The following PHACTR2 variants were observed in gnomAD, a reference collection of about 807,000 sequenced individuals.
PHACTR2 encodes phosphatase and actin regulator 2.
In PHACTR2, 30 loss-of-function variants were observed where a neutral mutation model predicts 76.0. The ratio of observed to expected loss-of-function variants is 0.39; its 90% CI spans 0.30 to 0.54. PHACTR2 has a LOEUF of 0.54. Ranked by LOEUF, PHACTR2 falls within the 20% of genes least tolerant of loss-of-function variation. PHACTR2 has a pLI of 0.61. For synonymous variants in PHACTR2, 292 were observed against 292.5 expected (o/e 1.00, Z 0.02); for missense variants, 696 against 781.1 (o/e 0.89, Z 1.30).
In PHACTR2 at chr6:143,809,001, C is replaced by T. The variant is rs1053439298; in HGVS notation, c.1922+1868C>T. Among the ~76,000 whole-genome samples the T allele has an allele frequency of 3.3e-5, 5 of 152,162 alleles. No individual in the cohort carries two copies. Among genetic ancestry groups the T allele is most frequent in the East Asian group, 1.9e-4 (1 of 5,192 alleles). ...GTGACATCATGCTGGCTGGGGCCTC[C>T]GGGCAACTGGGAAGATAGAGTGCTT... On this transcript the variant is annotated intron_variant, in intron 12 of 12. Transcript: ENST00000440869. This position sits in a 1 kb window ranked among gnomAD's most constrained non-coding sequence, Gnocchi z 4.2.
chr6:143,680,075 A>G lies in PHACTR2; in HGVS notation c.46+1866A>G, dbSNP rs910252057. ...TGTAAAAGAACAGTTTTCTCGTGGT[A>G]TCCAGTGTCTCTAAATCCGTTAGAG... On this transcript the variant is annotated intron_variant, in intron 1 of 12. Transcript: ENST00000440869. The surrounding 1 kb of genome is among the most constrained non-coding windows in gnomAD (Gnocchi z 4.5). Among the ~76,000 whole-genome samples, 2 of 152,060 alleles carry G rather than the reference A, an allele frequency of 1.3e-5. No homozygotes were observed. Among genetic ancestry groups the G allele is most frequent in the Non-Finnish European group, 2.9e-5 (2 of 67,990 alleles).
rs1952715526 is a variant in PHACTR2, at chr6:143,767,240, C to T, written c.1232+1442C>T. On this transcript the variant is annotated intron_variant, in intron 6 of 12. Transcript: ENST00000440869. This position sits in a 1 kb window ranked among gnomAD's most constrained non-coding sequence, Gnocchi z 4.4. The stretch of plus-strand genomic sequence containing the variant: ...GCACTGAGAGAGCTAAAATAGTTTG[C>T]ACCAGACTGCCCAGTTGGTGGTGGT... 6.6e-6 allele frequency among the ~76,000 whole-genome samples: 1 copy of T among 152,160 alleles called. No individual in the cohort carries two copies. Among genetic ancestry groups the T allele is most frequent in the African/African-American group, 2.4e-5 (1 of 41,434 alleles).
At chr6:143,717,552 T>C (rs1437774130) in intron 2 of PHACTR2, among the ~76,000 whole-genome samples, 1 of 151,878 alleles carries the variant, frequency 6.6e-6, no homozygotes, top group Non-Finnish European at 1.5e-5. Context: ...AAAAATGCAG[T>C]ACTGGGTGCT....
At position 143,816,798 on chromosome 6, in the gene PHACTR2, G is replaced by A. The variant is rs1776305219; in HGVS notation, c.1923-6876G>A. ...TTATCTCTTCTGGCTGGGTGCGGTG[G>A]CTCATGCCTGTAATCCCAGCACTTT... On this transcript the variant is annotated intron_variant, in intron 12 of 12. Coordinates refer to ENST00000440869, the MANE Select transcript of PHACTR2 (RefSeq NM_001100164.2). This position sits in a 1 kb window ranked among gnomAD's most constrained non-coding sequence, Gnocchi z 4.5. 6.6e-6 allele frequency among the ~76,000 whole-genome samples: 1 copy of A among 152,172 alleles called. No individual in the cohort carries two copies. The highest frequency in any genetic ancestry group is 1.5e-5 in the Non-Finnish European group (1 of 68,038).
At chr6:143,593,330 CACAG>C (rs1198190184) in intron 1 of PHACTR2, among the ~76,000 whole-genome samples, 1 of 50,286 alleles carries the variant, frequency 2.0e-5, no homozygotes, top group Non-Finnish European at 4.8e-5. Context: ...AAGGAGGAAA[CACAG>C]GGGGTGTCTA....
At position 143,809,583 on chromosome 6, in the gene PHACTR2, T is replaced by C. The variant is rs142301808; in HGVS notation, c.1922+2450T>C. On this transcript the variant is annotated intron_variant, in intron 12 of 12. Coordinates refer to ENST00000440869, the MANE Select transcript of PHACTR2 (RefSeq NM_001100164.2). This position sits in a 1 kb window ranked among gnomAD's most constrained non-coding sequence, Gnocchi z 4.2. ...TAAGCATTCAAGCAATACAAAATTCTATTAAGTATAAATGAAAAACCTTCA... is the reference window on the plus strand; with the variant it reads ...TAAGCATTCAAGCAATACAAAATTCCATTAAGTATAAATGAAAAACCTTCA... 0.018 allele frequency among the ~76,000 whole-genome samples: 2,781 copies of C among 152,262 alleles called. 57 individuals carry two copies. The highest frequency in any genetic ancestry group is 0.022 in the Non-Finnish European group (1,471 of 68,008).
rs141391228 is a variant in PHACTR2 at position 143,638,395 on chromosome 6, A to T, written c.13+30073A>T. Among the ~76,000 whole-genome samples the T allele has an allele frequency of 6.4e-4, 98 of 152,162 alleles. 2 individuals carry two copies. The East Asian group carries it at 0.017, about 26-fold the overall frequency. Reference sequence around the variant, plus strand: ...TCTATACAAAAATAATAATTAAAAGATTAGCTGGGCATGGTGGTGCATGCC... The same window carrying T: ...TCTATACAAAAATAATAATTAAAAGTTTAGCTGGGCATGGTGGTGCATGCC... On this transcript the variant is annotated intron_variant, in intron 1 of 11. Coordinates refer to the PHACTR2 transcript ENST00000305766.
upstream of PHACTR2, among the ~76,000 whole-genome samples, chr6:143,603,852 A>G (rs969142457): frequency 2.6e-5 from 4 of 152,188 alleles, no homozygotes; most frequent in African/African-American, 9.7e-5. Flanking sequence ...TAATCCCAGC[A>G]CTTTGAGAGA....
chr6:143,714,339 G>A (rs564783561), intron 2 of PHACTR2, among the ~76,000 whole-genome samples: 40 of 152,290 alleles, frequency 2.6e-4, no homozygotes, highest in South Asian at 8.3e-4. Context: ...GTGTTCTGCC[G>A]CACAGCGATA....
In PHACTR2 at chr6:143,602,695, G is replaced by A. The variant is rs916771540; in HGVS notation, c.217+65488G>A. On this transcript the variant is annotated intron_variant, in intron 1 of 11. Transcript: ENST00000367584. This position sits in a 1 kb window ranked among gnomAD's most constrained non-coding sequence, Gnocchi z 6.1. ...ATTGCTATGTGTTTGGAGCAGTGGGGTGTTGTCCAAGTGTGGATTCACCAA... is the reference window on the plus strand; with the variant it reads ...ATTGCTATGTGTTTGGAGCAGTGGGATGTTGTCCAAGTGTGGATTCACCAA... Among the ~76,000 whole-genome samples the A allele has an allele frequency of 1.3e-5, 2 of 152,196 alleles. No individual in the cohort carries two copies. The highest frequency in any genetic ancestry group is 4.8e-5 in the African/African-American group (2 of 41,438).
chr6:143,676,450 A>G (rs539460602), upstream of PHACTR2, among the ~76,000 whole-genome samples: 53 of 152,350 alleles, frequency 3.5e-4, no homozygotes, highest in African/African-American at 1.2e-3. This position sits in a 1 kb window ranked among gnomAD's most constrained non-coding sequence, Gnocchi z 4.8. Context: ...AAGGTACTGT[A>G]TATTTCCTCT....
In PHACTR2 at chr6:143,767,949, T is replaced by C. The variant is rs574307641; in HGVS notation, c.1232+2151T>C. On this transcript the variant is annotated intron_variant, in intron 6 of 12. Coordinates refer to ENST00000440869, the MANE Select transcript of PHACTR2 (RefSeq NM_001100164.2). The surrounding 1 kb of genome is among the most constrained non-coding windows in gnomAD (Gnocchi z 4.4). ...GCCTCCCAGGTTCAAGCAATTCTCCTGCCTCAGCCTCCCCAGTAACTGGAA... is the reference window on the plus strand; with the variant it reads ...GCCTCCCAGGTTCAAGCAATTCTCCCGCCTCAGCCTCCCCAGTAACTGGAA... 3.9e-5 allele frequency among the ~76,000 whole-genome samples: 6 copies of C among 152,290 alleles called. No homozygotes were observed. Among genetic ancestry groups the C allele is most frequent in the African/African-American group, 1.4e-4 (6 of 41,568 alleles).
At chr6:143,600,955 C>T (rs536600659) in intron 1 of PHACTR2, among the ~76,000 whole-genome samples, 5 of 152,216 alleles carry the variant, frequency 3.3e-5, no homozygotes, top group Non-Finnish European at 7.3e-5. Flanking sequence ...GACACATGAA[C>T]ATGCTACAAT....
At position 143,592,925 on chromosome 6, in the gene PHACTR2, C is replaced by T. The variant is rs1356712401; in HGVS notation, c.217+55718C>T. Among the ~76,000 whole-genome samples the T allele has an allele frequency of 4.0e-5, 6 of 151,676 alleles. No homozygotes were observed. Among genetic ancestry groups the T allele is most frequent in the African/African-American group, 1.5e-4 (6 of 41,236 alleles). On this transcript the variant is annotated intron_variant, in intron 1 of 11. Coordinates refer to the PHACTR2 transcript ENST00000367584. The surrounding 1 kb of genome is among the most constrained non-coding windows in gnomAD (Gnocchi z 4.0). ...TAGCCGGACATGGTGACACACATCC[C>T]AGCTACTTGTGAGGGTGAGGTGGGA...
In PHACTR2 at chr6:143,547,811, G is replaced by T. The variant is rs373361768; in HGVS notation, c.217+10604G>T. ...GATACATTGGTTGTGATCAAGGAGG[G>T]CACTCTCTTTTTGTTTCCAGGGATT... On this transcript the variant is annotated intron_variant, in intron 1 of 11. Coordinates refer to the PHACTR2 transcript ENST00000367584. This position sits in a 1 kb window ranked among gnomAD's most constrained non-coding sequence, Gnocchi z 4.2. Among the ~76,000 whole-genome samples, 6 of 152,136 alleles carry T rather than the reference G, an allele frequency of 3.9e-5. No individual in the cohort carries two copies. The highest frequency in any genetic ancestry group is 5.9e-5 in the Non-Finnish European group (4 of 68,012).
chr6:143,599,694 A>G lies in PHACTR2; in HGVS notation c.217+62487A>G, dbSNP rs1775793930. Among the ~76,000 whole-genome samples, 1 of 152,216 alleles carries G rather than the reference A, an allele frequency of 6.6e-6. No individual in the cohort carries two copies. Among genetic ancestry groups the G allele is most frequent in the East Asian group, 1.9e-4 (1 of 5,200 alleles). ...CAAAGGGTGCTTCCCTTGCTAGCCT[A>G]TAAGAACAGCTCATTAAGATCCAAC... On this transcript the variant is annotated intron_variant, in intron 1 of 11. Transcript: ENST00000367584. This position sits in a 1 kb window ranked among gnomAD's most constrained non-coding sequence, Gnocchi z 4.6.
intron 2 of PHACTR2, among the ~76,000 whole-genome samples, chr6:143,735,610 C>A (rs867460700): frequency 6.6e-6 from 1 of 151,144 alleles, no homozygotes; most frequent in African/African-American, 2.4e-5. Flanking sequence ...CCACCACTTA[C>A]CCTCTGTAAT....
chr6:143,831,103 T>C lies in PHACTR2; in HGVS notation c.*7414T>C, dbSNP rs1776659944. On this transcript the variant is annotated 3_prime_UTR_variant, in exon 13 of 13. Transcript: ENST00000440869. This position sits in a 1 kb window ranked among gnomAD's most constrained non-coding sequence, Gnocchi z 5.2. Reference sequence around the variant, plus strand: ...TGTCTGAGGTATTTGATATTGATGTTTTTATTGCCATTATTATATGTAAAC... The same window carrying C: ...TGTCTGAGGTATTTGATATTGATGTCTTTATTGCCATTATTATATGTAAAC... 6.6e-6 allele frequency: 1 copy of C among 152,234 alleles called. No individual in the cohort carries two copies. Among genetic ancestry groups the C allele is most frequent in the South Asian group, 2.1e-4 (1 of 4,836 alleles). 9.4% of individuals were successfully genotyped at this position (152,234 alleles called of 1,614,324 possible).
chr6:143,790,867 T>C (rs571899491), intron 11 of PHACTR2, among the ~76,000 whole-genome samples: 71 of 152,234 alleles, frequency 4.7e-4, no homozygotes, highest in Admixed American at 7.8e-4. Context: ...TTAGTAGAGA[T>C]GGGGTTTCAC....
Sources: gnomAD v4.1 joint callset for allele counts (sites outside exome capture counted in the v4.1 genomes callset) on GRCh38, gnomAD v4.1.1 for gene constraint, Gnocchi (gnomAD v3.1) non-coding constraint, MANE v1.5 for transcripts, NCBI Gene and HGNC (gene_info 2026-07-23, HGNC 2026-07-21) for gene names.